Variants in DNAL1 observed in about 807,000 individuals in gnomAD.
DNAL1 encodes chromosome 14 open reading frame 168.
A neutral mutation model predicts 29.4 loss-of-function variants in DNAL1; 17 were observed. That is an observed-to-expected ratio of 0.58 (90% CI 0.40 to 0.87). The LOEUF is 0.87. Among genes scored for constraint, DNAL1 ranks in the 40% least tolerant of loss-of-function variants. The probability of loss-of-function intolerance (pLI) is 0.00; values close to 1 mark genes in which losing one functional copy is unlikely to be tolerated. For missense variants in DNAL1, 188 were observed against 214.1 expected (o/e 0.88, Z 0.76); for synonymous variants, 78 against 76.3 (o/e 1.02, Z -0.12).
chr14:73,682,393 T>C (rs1249454358), intron 5 of DNAL1, among the ~76,000 whole-genome samples: 5 of 148,464 alleles, frequency 3.4e-5, no homozygotes, highest in Non-Finnish European at 7.4e-5. Context: ...TTCACTGTGT[T>C]GGCTAGGCTA....
intron 5 of DNAL1, among the ~76,000 whole-genome samples, chr14:73,681,741 G>A (rs940570886): frequency 3.4e-5 from 5 of 148,942 alleles, no homozygotes; most frequent in Non-Finnish European, 7.4e-5. Flanking sequence ...TTTGCAGTGA[G>A]CTCTGATCAC....
chr14:73,673,930 T>C (rs1397748672), intron 5 of DNAL1, among the ~76,000 whole-genome samples: 2 of 150,460 alleles, frequency 1.3e-5, no homozygotes, highest in African/African-American at 4.9e-5. Flanking sequence ...GGGATGCAGA[T>C]ACTGGGTTTC....
chr14:73,661,412 G>A (rs569135208), intron 3 of DNAL1, among the ~76,000 whole-genome samples: 68 of 152,170 alleles, frequency 4.5e-4, no homozygotes, highest in Middle Eastern at 3.4e-3. Context: ...ATTTCTAGAA[G>A]TGAAAAACTT....
At chr14:73,659,161 A>T (rs1398987180) in intron 3 of DNAL1, among the ~76,000 whole-genome samples, 3 of 140,850 alleles carry the variant, frequency 2.1e-5, no homozygotes, top group African/African-American at 5.3e-5. Context: ...GTATAGTACA[A>T]TTTTTTTTTT....
At chr14:73,655,581 A>G (rs1307678846) in intron 2 of DNAL1, among the ~76,000 whole-genome samples, 2 of 151,894 alleles carry the variant, frequency 1.3e-5, no homozygotes, top group East Asian at 3.9e-4. Flanking sequence ...TCCTGACCTC[A>G]TGTGATCTGC....
At position 73,685,314 on chromosome 14, in the gene DNAL1, G is replaced by A. The variant is rs1372721745; in HGVS notation, c.265-1945G>A. Among the ~76,000 whole-genome samples, 9 of 152,026 alleles carry A rather than the reference G, an allele frequency of 5.9e-5. No individual in the cohort carries two copies. In the South Asian group the frequency reaches 6.2e-4, roughly 11 times the overall value. On this transcript the variant is annotated intron_variant, in intron 5 of 7. Coordinates refer to ENST00000553645, the MANE Select transcript of DNAL1 (RefSeq NM_031427.4). ...CCTGGCACCCACCATTCCACTTTCC[G>A]TCTTTACGAATTTAACTACTCTAGG...
Position 73,677,768 on chromosome 14 carries a change from A to G in DNAL1, c.264+6171A>G, listed in dbSNP as rs1047005102. Among the ~76,000 whole-genome samples the G allele has an allele frequency of 8.0e-3, 1,214 of 150,986 alleles. 24 individuals are homozygous for G. The highest frequency in any genetic ancestry group is 0.028 in the African/African-American group (1,150 of 41,260). ...GAGACGGGGTTTCACCGTGTTAGCC[A>G]GGATGGTCTCGATCTCCTGACCTCG... is the stretch of plus-strand genomic sequence containing the variant. On this transcript the variant is annotated intron_variant, in intron 5 of 7. Transcript: ENST00000553645.
At chr14:73,689,295 G>A (rs551885049) in intron 6 of DNAL1, 80 bp from the exon 7 acceptor site, 5 of 1,513,202 alleles carry the variant, frequency 3.3e-6, no homozygotes, top group South Asian at 1.2e-5. Context: ...TCCCCCCAAA[G>A]TTCTGGGATT....
chr14:73,656,870 A>G (rs1049162017), intron 2 of DNAL1, among the ~76,000 whole-genome samples: 2 of 152,068 alleles, frequency 1.3e-5, no homozygotes, highest in Admixed American at 1.3e-4. Flanking sequence ...CACTGAGTGG[A>G]TATGTATTAG....
intron 1 of DNAL1, among the ~76,000 whole-genome samples, chr14:73,649,100 G>T (rs1465548851): frequency 6.6e-6 from 1 of 151,386 alleles, no homozygotes; most frequent in African/African-American, 2.4e-5. Flanking sequence ...TCAGCCTCCC[G>T]AATAGCTGGA....
chr14:73,668,444 A>G (rs1891539040), intron 4 of DNAL1, among the ~76,000 whole-genome samples: 1 of 152,232 alleles, frequency 6.6e-6, no homozygotes, highest in African/African-American at 2.4e-5. Flanking sequence ...AGAAGCTTTA[A>G]AGAATAATTA....
At chr14:73,679,284 G>A (rs920377149) in intron 5 of DNAL1, among the ~76,000 whole-genome samples, 10 of 152,150 alleles carry the variant, frequency 6.6e-5, no homozygotes, top group Non-Finnish European at 8.8e-5. Context: ...GTGAGCCACC[G>A]TGCCCGGCCA....
chr14:73,682,869 A>ATTTT (rs57815202), intron 5 of DNAL1, among the ~76,000 whole-genome samples: 19 of 101,802 alleles, frequency 1.9e-4, no homozygotes, highest in South Asian at 3.2e-4. Flanking sequence ...TTTTATAGTT[A>ATTTT]TTTTTTTTTT....
At position 73,695,949 on chromosome 14, in the gene DNAL1, G is replaced by A. The variant is rs541713063; in HGVS notation, c.*7G>A. ...TGAGGAAGAAGACAACTAATGCCAC[G>A]CTTTCCACTGTGTGTTAACTTATTT... On this transcript the variant is annotated 3_prime_UTR_variant, in exon 8 of 8. Transcript: ENST00000553645. The A allele has an allele frequency of 1.6e-5, 26 of 1,585,816 alleles. No homozygotes were observed. Among genetic ancestry groups the A allele is most frequent in the Middle Eastern group, 1.7e-4 (1 of 6,022 alleles).
intron 3 of DNAL1, among the ~76,000 whole-genome samples, chr14:73,661,426 C>G (rs1421562688): frequency 6.6e-6 from 1 of 151,924 alleles, no homozygotes. Context: ...AAAACTTGGT[C>G]AAGAAATGTA....
At chr14:73,645,099 G>A (rs1430665039) in intron 1 of DNAL1, 57 bp downstream of exon 1, 110 of 1,591,254 alleles carry the variant, frequency 6.9e-5, no homozygotes, top group Non-Finnish European at 8.6e-5. Context: ...AGTGGAAAAG[G>A]GTGACTGTGG....
At position 73,702,765 on chromosome 14, in the gene DNAL1, TGTA is replaced by T. The variant is rs1341815925; in HGVS notation, c.*6826_*6828del. On this transcript the variant is annotated 3_prime_UTR_variant, in exon 8 of 8. Coordinates refer to ENST00000553645, the MANE Select transcript of DNAL1 (RefSeq NM_031427.4). ...TTTTGGTCACAAAATAGGGCTGTAG[TGTA>T]GTTTCTACTTCTTATTCCAGTTGTT... The T allele has an allele frequency of 1.3e-5, 2 of 152,222 alleles. No homozygotes were observed. The highest frequency in any genetic ancestry group is 6.5e-5 in the Admixed American group (1 of 15,278). 9.4% of individuals were successfully genotyped at this position (152,222 alleles called of 1,614,324 possible).
intron 4 of DNAL1, among the ~76,000 whole-genome samples, chr14:73,664,310 C>G (rs989645447): frequency 6.6e-6 from 1 of 152,162 alleles, no homozygotes; most frequent in African/African-American, 2.4e-5. Flanking sequence ...TTCTGCCCTT[C>G]AGGTGACCTT....
At chr14:73,680,882 G>A (rs1891860085) in intron 5 of DNAL1, among the ~76,000 whole-genome samples, 1 of 152,166 alleles carries the variant, frequency 6.6e-6, no homozygotes, top group Non-Finnish European at 1.5e-5. Context: ...AGTGCTGCAG[G>A]CAGTTGGAAC....
Sources: allele counts gnomAD v4.1 joint callset (sites outside exome capture counted in the v4.1 genomes callset), GRCh38; gene constraint gnomAD v4.1.1; transcripts MANE v1.5; gene names NCBI Gene and HGNC (gene_info 2026-07-23, HGNC 2026-07-21).